KATNIP: variants seen among roughly 807,000 people sequenced by gnomAD.
KATNIP encodes katanin-interacting protein.
KATNIP carries 126 observed loss-of-function variants against 174.0 expected under a neutral mutation model. The observed-to-expected ratio is 0.72, with a 90% CI of 0.63 to 0.84. The LOEUF (loss-of-function observed/expected upper bound fraction) is 0.84. KATNIP is among the 40% of genes least tolerant of loss of function. The probability of loss-of-function intolerance (pLI) is 0.00; values close to 1 mark genes in which losing one functional copy is unlikely to be tolerated. For missense variants in KATNIP, 1,958 were observed against 2,109.7 expected (o/e 0.93, Z 1.41); for synonymous variants, 810 against 835.7 (o/e 0.97, Z 0.53).
intron 15 of KATNIP, among the ~76,000 whole-genome samples, chr16:27,746,475 G>A (rs2143694153): frequency 6.6e-6 from 1 of 152,314 alleles, no homozygotes; most frequent in East Asian, 1.9e-4. Flanking sequence ...AGGGGCAGAG[G>A]AACTGACAGG....
chr16:27,570,915 GGCTTCT>G (rs760139475), intron 1 of KATNIP, among the ~76,000 whole-genome samples: 4 of 152,184 alleles, frequency 2.6e-5, no homozygotes, highest in Admixed American at 1.3e-4. Context: ...TAAGAGAAAA[GGCTTCT>G]GCAGTTTCCT....
chr16:27,559,262 A>G (rs896885236), intron 1 of KATNIP, among the ~76,000 whole-genome samples: 13 of 152,276 alleles, frequency 8.5e-5, no homozygotes, highest in African/African-American at 3.1e-4. Context: ...TGAAGTATAG[A>G]ATTTCTCTGG....
intron 6 of KATNIP, among the ~76,000 whole-genome samples, chr16:27,652,687 C>G (rs528259543): frequency 6.6e-6 from 1 of 152,048 alleles, no homozygotes; most frequent in East Asian, 1.9e-4. Context: ...GTGGCACACA[C>G]CTGTAATCCC....
intron 20 of KATNIP, among the ~76,000 whole-genome samples, chr16:27,769,208 C>T (rs1486539737): frequency 1.3e-5 from 2 of 152,234 alleles, no homozygotes; most frequent in African/African-American, 2.4e-5. Context: ...CAGCCAGAAC[C>T]TCTGCCATAA....
intron 23 of KATNIP, among the ~76,000 whole-genome samples, chr16:27,774,519 T>C (rs1422131677): frequency 6.6e-6 from 1 of 152,084 alleles, no homozygotes; most frequent in African/African-American, 2.4e-5. Context: ...CCGAGGTCCT[T>C]CCACACTGAC....
chr16:27,580,781 C>A (rs770225447), intron 2 of KATNIP, among the ~76,000 whole-genome samples: 4 of 150,186 alleles, frequency 2.7e-5, no homozygotes, highest in Non-Finnish European at 5.9e-5. Context: ...TCTCTCTTTT[C>A]ATGGCTGCCT....
chr16:27,570,214 A>G (rs2090236785), intron 1 of KATNIP, among the ~76,000 whole-genome samples: 2 of 152,320 alleles, frequency 1.3e-5, no homozygotes, highest in South Asian at 4.1e-4. Context: ...AAGTGGTCAG[A>G]TTCCTATCCA....
intron 1 of KATNIP, among the ~76,000 whole-genome samples, chr16:27,569,725 A>C (rs1426026149): frequency 6.6e-6 from 1 of 152,226 alleles, no homozygotes; most frequent in Non-Finnish European, 1.5e-5. Flanking sequence ...AGGAGAGAGA[A>C]AGGCTCAGTG....
At chr16:27,571,904 G>A (rs1181159907) in intron 1 of KATNIP, among the ~76,000 whole-genome samples, 1 of 152,180 alleles carries the variant, frequency 6.6e-6, no homozygotes, top group Non-Finnish European at 1.5e-5. Flanking sequence ...GCTCATTCTA[G>A]CTCCTATCCC....
At chr16:27,570,515 G>A (rs953405537) in intron 1 of KATNIP, among the ~76,000 whole-genome samples, 3 of 152,072 alleles carry the variant, frequency 2.0e-5, no homozygotes, top group South Asian at 2.1e-4. Context: ...TGCAGTAAGC[G>A]GAGATCGCAC....
intron 3 of KATNIP, among the ~76,000 whole-genome samples, chr16:27,622,161 G>A (rs1176557924): frequency 6.6e-6 from 1 of 151,686 alleles, no homozygotes; most frequent in African/African-American, 2.4e-5. Flanking sequence ...TGGAAGATGG[G>A]GGAGATTCCT....
intron 18 of KATNIP, chr16:27,757,679 G>A (rs1450126667): frequency 2.3e-5 from 5 of 221,442 alleles, no homozygotes; most frequent in Non-Finnish European, 3.0e-5. Flanking sequence ...CACCCTCTGC[G>A]TCTGTTTTGA....
At chr16:27,666,626 C>A (rs1357696696) in intron 6 of KATNIP, among the ~76,000 whole-genome samples, 1 of 152,176 alleles carries the variant, frequency 6.6e-6, no homozygotes, top group Non-Finnish European at 1.5e-5. Context: ...CCATGTTGAC[C>A]AGGCTGGTCT....
At chr16:27,571,389 T>G (rs1191421970) in intron 1 of KATNIP, among the ~76,000 whole-genome samples, 1 of 151,728 alleles carries the variant, frequency 6.6e-6, no homozygotes, top group Non-Finnish European at 1.5e-5. Context: ...TCTTTATTAG[T>G]ATAACATAAT....
At chr16:27,724,629 C>T (rs968794862) in intron 14 of KATNIP, among the ~76,000 whole-genome samples, 1 of 152,142 alleles carries the variant, frequency 6.6e-6, no homozygotes, top group Non-Finnish European at 1.5e-5. Context: ...CGGTTCCTGC[C>T]AGGGCACCGC....
At chr16:27,624,706 G>C (rs1311703973) in intron 3 of KATNIP, among the ~76,000 whole-genome samples, 1 of 152,134 alleles carries the variant, frequency 6.6e-6, no homozygotes, top group Admixed American at 6.5e-5. Context: ...TGTAGTCCCT[G>C]CTACTCGAGA....
intron 14 of KATNIP, among the ~76,000 whole-genome samples, chr16:27,733,841 TCCAGACTCGCAGAATCTTC>T (rs1440547183): frequency 2.0e-5 from 3 of 152,054 alleles, no homozygotes; most frequent in Non-Finnish European, 4.4e-5. Flanking sequence ...CGCAGAGGAA[TCCAGACTCGCAGAATCTTC>T]CATCCTGCTT....
At chr16:27,704,330 A>C (rs2079216220) in intron 12 of KATNIP, among the ~76,000 whole-genome samples, 1 of 152,236 alleles carries the variant, frequency 6.6e-6, no homozygotes, top group South Asian at 2.1e-4. Flanking sequence ...TGAGCTCTGA[A>C]TTGACAAATT....
chr16:27,677,471 C>G (rs773551788), intron 6 of KATNIP, among the ~76,000 whole-genome samples: 12 of 152,038 alleles, frequency 7.9e-5, no homozygotes, highest in African/African-American at 2.2e-4. Flanking sequence ...CACTCCCCCC[C>G]ACCCCACCTT....
Sources: gnomAD v4.1 joint callset for allele counts (sites outside exome capture counted in the v4.1 genomes callset) on GRCh38, gnomAD v4.1.1 for gene constraint, MANE v1.5 for transcripts, NCBI Gene and HGNC (gene_info 2026-07-23, HGNC 2026-07-21) for gene names.